Variants in CDC40 observed in about 807,000 individuals in gnomAD.
CDC40 encodes the protein cell division cycle 40.
CDC40 carries 27 observed loss-of-function variants against 80.6 expected under a neutral mutation model. The observed-to-expected ratio is 0.33, with a 90% confidence interval of 0.25 to 0.46. CDC40 has a LOEUF of 0.46. Ranked by LOEUF, CDC40 falls within the 20% of genes least tolerant of loss-of-function variation. The pLI, the probability that CDC40 is intolerant of heterozygous loss-of-function variation, is 1.00. For synonymous variants in CDC40, 221 were observed against 232.6 expected (o/e 0.95, Z 0.45); for missense variants, 486 against 694.1 (o/e 0.70, Z 3.37).
chr6:110,217,337 T>C (rs1777713542), intron 9 of CDC40, among the ~76,000 whole-genome samples: 1 of 152,234 alleles, frequency 6.6e-6, no homozygotes, highest in Non-Finnish European at 1.5e-5. Flanking sequence ...TCACTGGCAA[T>C]AATTGGTCTT....
At chr6:110,220,208 A>C (rs530679725) in intron 12 of CDC40, among the ~76,000 whole-genome samples, 19 of 152,216 alleles carry the variant, frequency 1.2e-4, no homozygotes, top group African/African-American at 4.6e-4. Context: ...AGGGGGACTG[A>C]GCATAAGATC....
At chr6:110,222,593 G>C (rs1362633439) in intron 12 of CDC40, among the ~76,000 whole-genome samples, 1 of 151,824 alleles carries the variant, frequency 6.6e-6, no homozygotes, top group African/African-American at 2.4e-5. Flanking sequence ...ACAAAAAACA[G>C]TTTTCAGTTT....
At chr6:110,195,785 C>A (rs1326437085) in intron 2 of CDC40, among the ~76,000 whole-genome samples, 1 of 152,018 alleles carries the variant, frequency 6.6e-6, no homozygotes, top group Non-Finnish European at 1.5e-5. Flanking sequence ...ATGCCCGAGT[C>A]CTTACCAGAA....
chr6:110,208,290 T>G (rs1041286982), intron 4 of CDC40, among the ~76,000 whole-genome samples: 15 of 152,206 alleles, frequency 9.9e-5, no homozygotes, highest in Admixed American at 7.9e-4. Context: ...AAACATAGCC[T>G]GAATTAATAT....
chr6:110,229,862 G>T (rs1554209225), intron 14 of CDC40, 92 bp from the exon 15 acceptor site: 11 of 722,788 alleles, frequency 1.5e-5, no homozygotes, highest in Admixed American at 2.7e-5. Context: ...TTTTTTTAAT[G>T]TTAACGTGAA....
intron 8 of CDC40, among the ~76,000 whole-genome samples, chr6:110,215,083 G>A (rs1777682110): frequency 6.6e-6 from 1 of 152,136 alleles, no homozygotes; most frequent in Admixed American, 6.5e-5. Flanking sequence ...GTGACTCTGT[G>A]TGTGTGTGTT....
chr6:110,180,977 G>T (rs1368429991), intron 1 of CDC40, among the ~76,000 whole-genome samples: 1 of 152,190 alleles, frequency 6.6e-6, no homozygotes, highest in African/African-American at 2.4e-5. Context: ...AGTATTGTGT[G>T]AGCAGTGGCC....
chr6:110,193,262 T>C lies in CDC40; in HGVS notation c.270T>C (p.Ala90=). The C allele has an allele frequency of 6.3e-7, 1 of 1,586,848 alleles. No homozygotes were observed. Among genetic ancestry groups the C allele is most frequent in the Non-Finnish European group, 8.7e-7 (1 of 1,155,378 alleles). ...ATCCTACCTATGAGACCATGTTTGCTCCTGAGGTAAGAAAACATACTTAAG... is the reference window on the plus strand; with the variant it reads ...ATCCTACCTATGAGACCATGTTTGCCCCTGAGGTAAGAAAACATACTTAAG... ...QYNPTYETMF[A]PEFGPENPFR... The change falls in exon 2 of 15, where the codon GCT becomes GCC. Residue 90 remains alanine, a synonymous_variant. Transcript: ENST00000307731.
chr6:110,225,427 C>A (rs1777841664), intron 12 of CDC40, among the ~76,000 whole-genome samples: 1 of 147,038 alleles, frequency 6.8e-6, no homozygotes, highest in South Asian at 2.2e-4. Flanking sequence ...ATTTTTTTTT[C>A]ATTCTTTCAT....
intron 13 of CDC40, among the ~76,000 whole-genome samples, chr6:110,227,463 G>A (rs1004755965): frequency 1.8e-4 from 27 of 152,178 alleles, no homozygotes; most frequent in South Asian, 8.3e-4. Flanking sequence ...TATATACTTC[G>A]TCACTGTGCA....
rs541331185 is a variant in CDC40 at position 110,225,360 on chromosome 6, A to T, written c.1341-807A>T. Among the ~76,000 whole-genome samples the T allele has an allele frequency of 5.3e-5, 8 of 152,322 alleles. No individual in the cohort carries two copies. The East Asian group carries it at 9.6e-4, about 18-fold the overall frequency. On this transcript the variant is annotated intron_variant, in intron 12 of 14. Coordinates refer to ENST00000307731, the MANE Select transcript of CDC40 (RefSeq NM_015891.3). ...AGAATTTTTAGCATGGAGAATATTA[A>T]AAATGAAAAGGCACTTAGAACTTTT...
Position 110,206,559 on chromosome 6 carries a change from A to G in CDC40, c.407-947A>G, listed in dbSNP as rs768598326. On this transcript the variant is annotated intron_variant, in intron 3 of 14. Transcript: ENST00000307731. ...CTGAAGACCACATTTATATGTAGCT[A>G]CATACTTTATAATTAGTTTAAAAAG... Among the ~76,000 whole-genome samples, 3 of 152,226 alleles carry G rather than the reference A, an allele frequency of 2.0e-5. 1 individual carries two copies. Among genetic ancestry groups the G allele is most frequent in the Admixed American group, 1.3e-4 (2 of 15,288 alleles).
chr6:110,186,983 AT>A (rs895353963), intron 1 of CDC40, among the ~76,000 whole-genome samples: 21 of 149,178 alleles, frequency 1.4e-4, no homozygotes, highest in South Asian at 4.2e-4. Context: ...TCTGGATAAA[AT>A]TTTTTTTTTT....
chr6:110,201,631 C>T lies in CDC40; in HGVS notation c.350C>T (p.Pro117Leu), dbSNP rs771185478. 7.4e-6 allele frequency: 12 copies of T among 1,612,996 alleles called. No individual in the cohort carries two copies. The Admixed American group carries it at 1.3e-4, about 18-fold the overall frequency. ...AATATGCTTTCTGGATATGCCGAAC[C>T]AGCTCATATCAATGATTTCATGTTT... is the stretch of plus-strand genomic sequence containing the variant. ...PRNMLSGYAEPAHINDFMFEQ... is the reference protein window; with the variant it reads ...PRNMLSGYAELAHINDFMFEQ... The change falls in exon 3 of 15, where the codon CCA becomes CTA. Residue 117 changes from proline to leucine, a missense_variant. Physicochemically the swap from Pro to Leu is moderately conservative, Grantham distance 98. This residue lies in a region of CDC40 where 381 missense variants were observed against 492.1 expected (regional missense o/e 0.77). Transcript: ENST00000307731.
At chr6:110,198,933 AGG>A (rs1323462294) in intron 2 of CDC40, 1 of 152,192 alleles carries the variant, frequency 6.6e-6, no homozygotes, top group Non-Finnish European at 1.5e-5. Flanking sequence ...GCATATTCAC[AGG>A]GACCAAGAAC....
chr6:110,182,069 G>C (rs1183812487), intron 1 of CDC40, among the ~76,000 whole-genome samples: 1 of 152,180 alleles, frequency 6.6e-6, no homozygotes, highest in Non-Finnish European at 1.5e-5. Context: ...GGTTAGCACA[G>C]GCTCTGGAAT....
At chr6:110,182,974 T>C (rs1777219758) in intron 1 of CDC40, among the ~76,000 whole-genome samples, 1 of 152,206 alleles carries the variant, frequency 6.6e-6, no homozygotes, top group Non-Finnish European at 1.5e-5. Flanking sequence ...TTTGGTAGCA[T>C]GTGAGTCCTG....
At chr6:110,202,750 G>A (rs965870078) in intron 3 of CDC40, among the ~76,000 whole-genome samples, 1 of 152,126 alleles carries the variant, frequency 6.6e-6, no homozygotes, top group Admixed American at 6.5e-5. Flanking sequence ...GAAGTGGTGA[G>A]GTAGGACACA....
intron 7 of CDC40, 104 bp downstream of exon 7, chr6:110,212,376 C>T (rs1777648301): frequency 8.7e-7 from 1 of 1,147,776 alleles, no homozygotes; most frequent in Non-Finnish European, 1.3e-6. Flanking sequence ...GGTAAAGGTA[C>T]AGGGAAGTCA....
Sources: gnomAD v4.1 joint callset for allele counts (sites outside exome capture counted in the v4.1 genomes callset) on GRCh38, gnomAD v4.1.1 for gene constraint, gnomAD v4.1.1 regional missense constraint, MANE v1.5 for transcripts, NCBI Gene and HGNC (gene_info 2026-07-23, HGNC 2026-07-21) for gene names.